TNKS: variants seen among roughly 807,000 people sequenced by gnomAD.
TNKS encodes poly [ADP-ribose] polymerase tankyrase-1.
A neutral mutation model predicts 135.8 loss-of-function variants in TNKS; 72 were observed. That is an observed-to-expected ratio of 0.53 (90% CI 0.44 to 0.64). The LOEUF (loss-of-function observed/expected upper bound fraction) is 0.64, where lower values mean the gene tolerates loss of function less well. TNKS is among the 30% of genes least tolerant of loss of function. The probability of loss-of-function intolerance (pLI) is 0.00; values close to 1 mark genes in which losing one functional copy is unlikely to be tolerated. For missense variants in TNKS, 1,769 were observed against 1,674.0 expected, an observed-to-expected ratio of 1.06 and a Z score of -0.99; for synonymous variants, 849 against 649.3, an observed-to-expected ratio of 1.31 and a Z score of -4.68.
At chr8:9,657,767 C>A (rs1360908392) in intron 3 of TNKS, among the ~76,000 whole-genome samples, 1 of 147,032 alleles carries the variant, frequency 6.8e-6, no homozygotes, top group Non-Finnish European at 1.5e-5. Context: ...GGGCGGCTGG[C>A]CGGGCAGGGG....
intron 23 of TNKS, among the ~76,000 whole-genome samples, chr8:9,765,467 G>A (rs937431807): frequency 1.3e-5 from 2 of 151,646 alleles, no homozygotes; most frequent in Non-Finnish European, 2.9e-5. Flanking sequence ...TGATTTAGAG[G>A]TAACAGCCAG....
chr8:9,752,300 T>C (rs1307238352), intron 19 of TNKS, among the ~76,000 whole-genome samples: 2 of 152,166 alleles, frequency 1.3e-5, no homozygotes, highest in African/African-American at 2.4e-5. Flanking sequence ...GTTATAATTC[T>C]ATATTCTAAC....
Position 9,645,746 on chromosome 8 carries a change from T to TA in TNKS, c.994+30070dup, listed in dbSNP as rs890882212. 5.3e-5 allele frequency among the ~76,000 whole-genome samples: 8 copies of TA among 152,320 alleles called. No individual in the cohort carries two copies. The South Asian group carries it at 1.7e-3, about 32-fold the overall frequency. ...GTTGAGGATCCTCTGTGTTTGATCT[T>TA]ATTCCTGTCATTTTAACTTTTTCTT... is the stretch of plus-strand genomic sequence containing the variant. On this transcript the variant is annotated intron_variant, in intron 3 of 26. Transcript: ENST00000310430.
At chr8:9,607,015 A>T (rs1799250371) in intron 2 of TNKS, among the ~76,000 whole-genome samples, 1 of 152,010 alleles carries the variant, frequency 6.6e-6, no homozygotes, top group Non-Finnish European at 1.5e-5. Context: ...ACTAGGGCTT[A>T]TTCTAGGGGA....
intron 2 of TNKS, 113 bp from the exon 3 acceptor site, chr8:9,615,469 A>T: frequency 1.4e-6 from 1 of 725,258 alleles, no homozygotes; most frequent in Non-Finnish European, 2.1e-6. Context: ...TTCTTGAAAG[A>T]GAAAAAATTT....
intron 11 of TNKS, among the ~76,000 whole-genome samples, chr8:9,711,362 CACTT>C (rs1240445698): frequency 6.6e-6 from 1 of 152,158 alleles, no homozygotes; most frequent in Non-Finnish European, 1.5e-5. Flanking sequence ...GTGGCAAACT[CACTT>C]GTTTGTTCCC....
chr8:9,724,865 A>AT (rs1171622656), intron 12 of TNKS, among the ~76,000 whole-genome samples: 1 of 152,228 alleles, frequency 6.6e-6, no homozygotes, highest in Non-Finnish European at 1.5e-5. Context: ...GCATCAAGAT[A>AT]TGTGTTCCAA....
intron 20 of TNKS, among the ~76,000 whole-genome samples, 189 bp downstream of exon 20, chr8:9,752,815 G>A (rs1244556850): frequency 6.6e-6 from 1 of 151,826 alleles, no homozygotes; most frequent in African/African-American, 2.4e-5. Context: ...TTTTAAGTTA[G>A]CTGAGCATGG....
chr8:9,675,248 T>G (rs1802485254), intron 3 of TNKS, among the ~76,000 whole-genome samples: 1 of 152,206 alleles, frequency 6.6e-6, no homozygotes, highest in Admixed American at 6.5e-5. Context: ...AATTAATATT[T>G]TATTCTTCAT....
intron 3 of TNKS, among the ~76,000 whole-genome samples, chr8:9,628,900 G>T (rs1350820282): frequency 3.9e-5 from 6 of 151,974 alleles, no homozygotes; most frequent in Non-Finnish European, 7.4e-5. Context: ...TTCCCTCTCG[G>T]GAAATATTAC....
At chr8:9,756,195 T>C (rs1806825913) in intron 20 of TNKS, among the ~76,000 whole-genome samples, 1 of 152,184 alleles carries the variant, frequency 6.6e-6, no homozygotes, top group Admixed American at 6.5e-5. Flanking sequence ...TTTCAAATTC[T>C]TGAAGACAAA....
At chr8:9,729,053 C>T (rs1023644739) in intron 13 of TNKS, among the ~76,000 whole-genome samples, 1 of 152,144 alleles carries the variant, frequency 6.6e-6, no homozygotes, top group Non-Finnish European at 1.5e-5. Flanking sequence ...CTGGTGGGGA[C>T]CCCGTCTCTC....
At chr8:9,718,607 A>G (rs528141619) in intron 11 of TNKS, among the ~76,000 whole-genome samples, 1 of 152,274 alleles carries the variant, frequency 6.6e-6, no homozygotes, top group Admixed American at 6.5e-5. Flanking sequence ...ATCTTCTGTA[A>G]AGTCATTTTT....
intron 20 of TNKS, among the ~76,000 whole-genome samples, chr8:9,758,837 T>C (rs1397514368): frequency 6.6e-6 from 1 of 152,198 alleles, no homozygotes; most frequent in Non-Finnish European, 1.5e-5. Context: ...CAGCACACAT[T>C]TTGTGAGTCA....
intron 3 of TNKS, among the ~76,000 whole-genome samples, chr8:9,619,951 T>A (rs1007643209): frequency 1.0e-4 from 15 of 150,122 alleles, no homozygotes; most frequent in Admixed American, 8.6e-4. Flanking sequence ...TCCTTATTTT[T>A]ATTTATTTTT....
In TNKS at chr8:9,556,212, T is replaced by C; in HGVS notation, c.273T>C (p.Ser91=). The part of the protein sequence containing the change: ...PDPVDGTSCC[S]TTSTICTVAA... ...CGGTTGACGGTACCAGCTGTTGCAGTACCACCAGCACAATCTGTACCGTCG... is the reference window on the plus strand; with the variant it reads ...CGGTTGACGGTACCAGCTGTTGCAGCACCACCAGCACAATCTGTACCGTCG... Residue 91 remains serine, a synonymous_variant, in exon 1 of 27, where the codon AGT becomes AGC. Coordinates refer to ENST00000310430, the MANE Select transcript of TNKS (RefSeq NM_003747.3). 3 of 1,614,162 alleles carry C rather than the reference T, an allele frequency of 1.9e-6. No individual in the cohort carries two copies. The highest frequency in any genetic ancestry group is 1.6e-4 in the Middle Eastern group (1 of 6,062).
chr8:9,756,121 T>C (rs1806821820), intron 20 of TNKS, among the ~76,000 whole-genome samples: 1 of 152,190 alleles, frequency 6.6e-6, no homozygotes, highest in South Asian at 2.1e-4. Flanking sequence ...CTTGGAAGAC[T>C]GCTTGTGGAC....
At chr8:9,716,521 T>G (rs1191407775) in intron 11 of TNKS, among the ~76,000 whole-genome samples, 1 of 152,100 alleles carries the variant, frequency 6.6e-6, no homozygotes, top group African/African-American at 2.4e-5. Flanking sequence ...AATGCAAATG[T>G]GTTTATTACT....
At chr8:9,656,329 C>G (rs577614700) in intron 3 of TNKS, among the ~76,000 whole-genome samples, 2 of 152,146 alleles carry the variant, frequency 1.3e-5, no homozygotes, top group Non-Finnish European at 2.9e-5. Flanking sequence ...GGATATTATC[C>G]AGGAGAACTT....
Sources: allele counts gnomAD v4.1 joint callset (sites outside exome capture counted in the v4.1 genomes callset), GRCh38; gene constraint gnomAD v4.1.1; transcripts MANE v1.5; gene names NCBI Gene and HGNC (gene_info 2026-07-23, HGNC 2026-07-21).